GHR: variants seen among roughly 807,000 people sequenced by gnomAD.
The protein encoded by GHR is GH receptor.
Under a neutral mutation model 67.1 loss-of-function variants are expected in GHR, and 35 were observed. The ratio of observed to expected loss-of-function variants is 0.52; its 90% CI spans 0.40 to 0.69. The LOEUF (loss-of-function observed/expected upper bound fraction) is 0.69, where lower values mean the gene tolerates loss of function less well. Among genes scored for constraint, GHR ranks in the 30% least tolerant of loss-of-function variants. The pLI is 0.00. For missense variants in GHR, 792 were observed against 764.6 expected (o/e 1.04, Z -0.42); for synonymous variants, 272 against 269.1 (o/e 1.01, Z -0.10).
chr5:42,581,771 C>T (rs1033781454), intron 2 of GHR, among the ~76,000 whole-genome samples: 10 of 152,212 alleles, frequency 6.6e-5, no homozygotes, highest in African/African-American at 2.4e-4. Flanking sequence ...GAAGCCTGAC[C>T]CTTCTGAGTT....
At chr5:42,507,738 T>A (rs143382478) in intron 1 of GHR, among the ~76,000 whole-genome samples, 2 of 152,302 alleles carry the variant, frequency 1.3e-5, no homozygotes, top group East Asian at 1.9e-4. Flanking sequence ...GTTACTCTAG[T>A]CCTGAGAGGG....
At chr5:42,472,400 C>T (rs1002368562) in intron 1 of GHR, among the ~76,000 whole-genome samples, 1 of 152,130 alleles carries the variant, frequency 6.6e-6, no homozygotes, top group African/African-American at 2.4e-5. Context: ...TATATATATA[C>T]AAATAGTCAT....
Position 42,507,941 on chromosome 5 carries a change from A to G in GHR, c.-11-57923A>G, listed in dbSNP as rs141230982. On this transcript the variant is annotated intron_variant, in intron 1 of 9. Transcript: ENST00000230882. ...TCAGCCCGCAGCAGTCAGCCTCCTG[A>G]GTGCAGAGCAGAGGAAGACCTGGAA... Among the ~76,000 whole-genome samples, 579 of 152,338 alleles carry G rather than the reference A, an allele frequency of 3.8e-3. 14 individuals are homozygous for G. The highest frequency in any genetic ancestry group is 0.035 in the Admixed American group (542 of 15,306).
chr5:42,425,381 A>G (rs547276429), intron 1 of GHR, among the ~76,000 whole-genome samples: 93 of 152,228 alleles, frequency 6.1e-4, no homozygotes, highest in African/African-American at 2.2e-3. Context: ...CAGACATGGG[A>G]TATTGTGGCA....
intron 1 of GHR, among the ~76,000 whole-genome samples, chr5:42,434,105 A>T (rs1430656993): frequency 6.6e-6 from 1 of 152,196 alleles, no homozygotes; most frequent in African/African-American, 2.4e-5. Flanking sequence ...AAAGATGCCA[A>T]CAATATGACT....
At chr5:42,468,193 T>C in intron 1 of GHR, 3 of 1,416,436 alleles carry the variant, frequency 2.1e-6, no homozygotes, top group South Asian at 2.3e-5. Flanking sequence ...GGCCCAGACT[T>C]TGATGTTCTC....
At chr5:42,468,781 T>C in intron 1 of GHR, 1 of 1,093,750 alleles carries the variant, frequency 9.1e-7, no homozygotes, top group South Asian at 1.3e-5. Context: ...CTTCAGCACC[T>C]CGAAGGGGTC....
At chr5:42,718,179 G>A (rs892206031) in intron 9 of GHR, 58 bp downstream of exon 9, 13 of 896,532 alleles carry the variant, frequency 1.5e-5, no homozygotes. Flanking sequence ...GAAGACTCCT[G>A]TCATATGTTG....
chr5:42,495,855 G>T (rs1475727702), intron 1 of GHR, among the ~76,000 whole-genome samples: 2 of 152,040 alleles, frequency 1.3e-5, no homozygotes, highest in African/African-American at 2.4e-5. Flanking sequence ...GATTAGTTTT[G>T]GGCCATCATG....
intron 5 of GHR, among the ~76,000 whole-genome samples, chr5:42,697,206 T>C (rs896501913): frequency 1.3e-5 from 2 of 152,252 alleles, no homozygotes; most frequent in Non-Finnish European, 2.9e-5. Flanking sequence ...TATGTATGTA[T>C]GGTACTACCT....
intron 1 of GHR, chr5:42,465,360 G>T (rs758394089): frequency 2.0e-5 from 18 of 909,884 alleles, no homozygotes; most frequent in Non-Finnish European, 2.8e-5. Context: ...ACCAGTAAGA[G>T]AAAGTTAGGT....
chr5:42,646,447 A>G, intron 3 of GHR: 1 of 379,934 alleles, frequency 2.6e-6, no homozygotes. Flanking sequence ...ATAAAAGTAA[A>G]AGCTTTTTTT....
chr5:42,709,161 A>G (rs1758329776), intron 6 of GHR, among the ~76,000 whole-genome samples: 1 of 151,966 alleles, frequency 6.6e-6, no homozygotes, highest in Non-Finnish European at 1.5e-5. Flanking sequence ...CCCCCACAGG[A>G]TCTTGCTCTG....
At chr5:42,476,341 T>A (rs1454518891) in intron 1 of GHR, among the ~76,000 whole-genome samples, 5 of 152,074 alleles carry the variant, frequency 3.3e-5, no homozygotes, top group Non-Finnish European at 5.9e-5. Flanking sequence ...TGCCTCAGCC[T>A]CCCGAGTAGC....
At chr5:42,467,760 G>T (rs1744800679) in intron 1 of GHR, 1 of 1,544,072 alleles carries the variant, frequency 6.5e-7, no homozygotes. Flanking sequence ...GCACAACGAG[G>T]TTTGCACTCT....
chr5:42,678,147 A>C (rs1756661894), intron 3 of GHR, among the ~76,000 whole-genome samples: 1 of 152,218 alleles, frequency 6.6e-6, no homozygotes, highest in South Asian at 2.1e-4. Context: ...AGGAAACTGA[A>C]GAAGTTAAGT....
chr5:42,468,282 G>T, intron 1 of GHR: 1 of 1,571,432 alleles, frequency 6.4e-7, no homozygotes, highest in Non-Finnish European at 8.7e-7. Context: ...TCACTGGGCG[G>T]CATGGGCCTA....
At chr5:42,580,821 C>T (rs1579987955) in intron 2 of GHR, among the ~76,000 whole-genome samples, 1 of 152,164 alleles carries the variant, frequency 6.6e-6, no homozygotes, top group African/African-American at 2.4e-5. Context: ...CCTGCTTATT[C>T]CCTCACTGCA....
chr5:42,424,599 G>C lies in GHR; in HGVS notation c.-12+644G>C. ...CAGCCACCAGTCCGCATGAACTGGG[G>C]TAAGTGGAAATTGTGGCGAGCCGAC... On this transcript the variant is annotated intron_variant, in intron 1 of 9. Coordinates refer to ENST00000230882, the MANE Select transcript of GHR (RefSeq NM_000163.5). The surrounding 1 kb of genome is among the most constrained non-coding windows in gnomAD (Gnocchi z 4.1). 1 of 1,534,708 alleles carries C rather than the reference G, an allele frequency of 6.5e-7. No homozygotes were observed. The highest frequency in any genetic ancestry group is 8.7e-7 in the Non-Finnish European group (1 of 1,146,050).
Sources: gnomAD v4.1 joint callset for allele counts (sites outside exome capture counted in the v4.1 genomes callset) on GRCh38, gnomAD v4.1.1 for gene constraint, Gnocchi (gnomAD v3.1) non-coding constraint, MANE v1.5 for transcripts, NCBI Gene and HGNC (gene_info 2026-07-23, HGNC 2026-07-21) for gene names.